SPATS2: variants seen among roughly 807,000 people sequenced by gnomAD.
SPATS2 encodes the protein spermatogenesis associated serine rich 2, also known as spermatogenesis-associated serine-rich protein 2.
SPATS2 carries 38 observed loss-of-function variants against 63.7 expected under a neutral mutation model. That is an observed-to-expected ratio of 0.60 (90% confidence interval 0.46 to 0.78). The LOEUF (loss-of-function observed/expected upper bound fraction) is 0.78, where lower values mean the gene tolerates loss of function less well. Among genes scored for constraint, SPATS2 ranks in the 30% least tolerant of loss-of-function variants. The pLI is 0.00. For synonymous variants in SPATS2, 207 were observed against 232.9 expected, an observed-to-expected ratio of 0.89 and a Z score of 1.01; for missense variants, 588 against 666.2, an observed-to-expected ratio of 0.88 and a Z score of 1.29.
At chr12:49,432,758 C>T (rs780302084) in intron 2 of SPATS2, among the ~76,000 whole-genome samples, 9 of 151,874 alleles carry the variant, frequency 5.9e-5, no homozygotes, top group Non-Finnish European at 1.0e-4. Context: ...ACAGGATTTC[C>T]TTTTTTTTAA....
At chr12:49,481,987 T>A in intron 3 of SPATS2, among the ~76,000 whole-genome samples, 1 of 152,296 alleles carries the variant, frequency 6.6e-6, no homozygotes, top group South Asian at 2.1e-4. Context: ...AAAAAATAAG[T>A]TTAAAAATCA....
chr12:49,454,965 A>G (rs543913303), intron 2 of SPATS2, among the ~76,000 whole-genome samples: 3 of 151,664 alleles, frequency 2.0e-5, no homozygotes, highest in East Asian at 1.9e-4. Flanking sequence ...CTAGCCTTTC[A>G]TATCTCAGCA....
intron 2 of SPATS2, among the ~76,000 whole-genome samples, chr12:49,443,885 G>A (rs1945466442): frequency 1.3e-5 from 2 of 152,274 alleles, no homozygotes; most frequent in African/African-American, 2.4e-5. Flanking sequence ...CTTCATGACT[G>A]TAGCTTTATA....
intron 2 of SPATS2, among the ~76,000 whole-genome samples, chr12:49,440,416 C>T (rs1029071408): frequency 2.0e-5 from 3 of 151,914 alleles, no homozygotes; most frequent in Non-Finnish European, 4.4e-5. Flanking sequence ...GTTATCATGT[C>T]TTCAGTCTCT....
At position 49,526,014 on chromosome 12, in the gene SPATS2, A is replaced by G. The variant is rs201737899; in HGVS notation, c.1397A>G (p.Asn466Ser). The G allele has an allele frequency of 1.2e-6, 2 of 1,614,256 alleles. No individual in the cohort carries two copies. The highest frequency in any genetic ancestry group is 3.3e-5 in the Admixed American group (2 of 60,038). ...PQGQKSNDPM[N>S]QGRHDSMGRY... ...GGCCAAAAGTCCAATGACCCCATGA[A>G]CCAAGGGCGGCATGACAGTATGGGT... The change falls in exon 14 of 14, where the codon AAC becomes AGC. Residue 466 changes from asparagine (N) to serine (S), a missense_variant. Physicochemically the swap from Asn to Ser is conservative, Grantham distance 46 (BLOSUM62 1). Coordinates refer to ENST00000552918, the MANE Select transcript of SPATS2 (RefSeq NM_023071.4).
intron 2 of SPATS2, among the ~76,000 whole-genome samples, chr12:49,440,130 T>C (rs2137546043): frequency 6.6e-6 from 1 of 152,330 alleles, no homozygotes; most frequent in South Asian, 2.1e-4. Flanking sequence ...TCCATATTCA[T>C]GTTATTGTTG....
At chr12:49,419,209 T>C (rs1448857384) in intron 2 of SPATS2, among the ~76,000 whole-genome samples, 1 of 152,252 alleles carries the variant, frequency 6.6e-6, no homozygotes. Flanking sequence ...ATGCATGATA[T>C]GCTGCATGCA....
At chr12:49,508,811 C>T (rs1946696374) in intron 9 of SPATS2, among the ~76,000 whole-genome samples, 1 of 151,516 alleles carries the variant, frequency 6.6e-6, no homozygotes, top group African/African-American at 2.4e-5. Context: ...CGCCTGTAAT[C>T]TCAGCACTTT....
intron 2 of SPATS2, among the ~76,000 whole-genome samples, chr12:49,402,395 T>G (rs1342996258): frequency 6.6e-6 from 1 of 151,996 alleles, no homozygotes; most frequent in Non-Finnish European, 1.5e-5. Context: ...GGTCAAAGGA[T>G]TTTTAGAGTT....
intron 2 of SPATS2, among the ~76,000 whole-genome samples, chr12:49,419,515 T>C (rs942562450): frequency 2.0e-5 from 3 of 152,198 alleles, no homozygotes; most frequent in African/African-American, 7.2e-5. Context: ...AGTAATTCCA[T>C]AGAGACTAGT....
intron 3 of SPATS2, among the ~76,000 whole-genome samples, chr12:49,477,181 A>G (rs11169042): frequency 0.27 from 41,541 of 152,056 alleles, 8,024 homozygotes; most frequent in East Asian, 0.83. Flanking sequence ...CAGGAAATCT[A>G]TGAGGGAAAG....
chr12:49,452,155 C>G (rs1007768633), intron 2 of SPATS2, among the ~76,000 whole-genome samples: 4 of 152,142 alleles, frequency 2.6e-5, no homozygotes, highest in African/African-American at 9.7e-5. Flanking sequence ...TAAAAAAAAT[C>G]AAGTTGCAAA....
chr12:49,463,599 A>G (rs1257200359), intron 3 of SPATS2: 1 of 152,212 alleles, frequency 6.6e-6, no homozygotes, highest in East Asian at 1.9e-4. Flanking sequence ...CATGACATAT[A>G]AAATATTACA....
intron 3 of SPATS2, among the ~76,000 whole-genome samples, chr12:49,474,663 A>C (rs1946090176): frequency 6.6e-6 from 1 of 152,238 alleles, no homozygotes; most frequent in Non-Finnish European, 1.5e-5. Flanking sequence ...CCAGATTCTT[A>C]CTAGCTATTC....
chr12:49,434,450 C>G (rs1306517981), intron 2 of SPATS2, among the ~76,000 whole-genome samples: 1 of 152,196 alleles, frequency 6.6e-6, no homozygotes, highest in African/African-American at 2.4e-5. Context: ...ACTCCTCCTC[C>G]CCGCCAGCCC....
chr12:49,367,989 C>T (rs2137117666), intron 1 of SPATS2, among the ~76,000 whole-genome samples: 1 of 152,144 alleles, frequency 6.6e-6, no homozygotes, highest in East Asian at 1.9e-4. Context: ...CGTGGCTGTG[C>T]GAGGTCCTTA....
At chr12:49,482,612 A>G (rs1323049619) in intron 3 of SPATS2, among the ~76,000 whole-genome samples, 1 of 152,142 alleles carries the variant, frequency 6.6e-6, no homozygotes, top group African/African-American at 2.4e-5. Context: ...AAATACTCCT[A>G]TTATTAAACT....
intron 3 of SPATS2, among the ~76,000 whole-genome samples, chr12:49,477,034 G>T (rs1410786163): frequency 6.6e-6 from 1 of 151,948 alleles, no homozygotes; most frequent in Non-Finnish European, 1.5e-5. Context: ...GAACCTGGGA[G>T]GCGGAGGTTG....
At chr12:49,439,002 T>C (rs982790424) in intron 2 of SPATS2, among the ~76,000 whole-genome samples, 7 of 151,938 alleles carry the variant, frequency 4.6e-5, no homozygotes, top group African/African-American at 1.7e-4. Flanking sequence ...ATAGTAACAG[T>C]TGTAGAAAAA....
Sources: gnomAD v4.1 joint callset for allele counts (sites outside exome capture counted in the v4.1 genomes callset) on GRCh38, gnomAD v4.1.1 for gene constraint, MANE v1.5 for transcripts, NCBI Gene and HGNC (gene_info 2026-07-23, HGNC 2026-07-21) for gene names.